OPRM1: variants seen among roughly 807,000 people sequenced by gnomAD.
The protein encoded by OPRM1 is opioid receptor mu 1, also known as mu-type opioid receptor.
OPRM1 carries 27 observed loss-of-function variants against 31.8 expected under a neutral mutation model. That is an observed-to-expected ratio of 0.85 (90% confidence interval 0.63 to 1.17). The LOEUF (loss-of-function observed/expected upper bound fraction) is 1.17, where lower values mean the gene tolerates loss of function less well. Among genes scored for constraint, OPRM1 ranks in the 50% most tolerant of loss-of-function variants. The probability of loss-of-function intolerance (pLI) is 0.00; values close to 1 mark genes in which losing one functional copy is unlikely to be tolerated. For synonymous variants in OPRM1, 196 were observed against 189.9 expected (o/e 1.03, Z -0.26); for missense variants, 536 against 511.1 (o/e 1.05, Z -0.47).
chr6:154,114,876 T>TA (rs1220080727), intron 3 of OPRM1, among the ~76,000 whole-genome samples: 3,716 of 138,464 alleles, frequency 0.027, 148 homozygotes, highest in African/African-American at 0.088. Flanking sequence ...GAATTCTAAT[T>TA]AAAAAAAAAA....
At chr6:154,207,708 T>C (rs1234182314) in intron 3 of OPRM1, among the ~76,000 whole-genome samples, 3 of 152,240 alleles carry the variant, frequency 2.0e-5, no homozygotes, top group African/African-American at 7.2e-5. Flanking sequence ...GGCCACAGTT[T>C]GCAGGATTTA....
chr6:154,109,792 CTGTGTGTG>C (rs377400514), intron 3 of OPRM1, among the ~76,000 whole-genome samples: 133 of 101,210 alleles, frequency 1.3e-3, no homozygotes, highest in Middle Eastern at 4.8e-3. Context: ...CTCTCTCTCT[CTGTGTGTG>C]TGTGTGTGTG....
chr6:154,246,688 T>C (rs776199517), intron 3 of OPRM1: 3 of 1,614,134 alleles, frequency 1.9e-6, no homozygotes, highest in East Asian at 4.5e-5. Flanking sequence ...CTTTTTCTTA[T>C]ACAGCCACCC....
At chr6:154,082,834 AAAAT>A (rs1229391001) in intron 1 of OPRM1, among the ~76,000 whole-genome samples, 3 of 152,204 alleles carry the variant, frequency 2.0e-5, no homozygotes, top group Non-Finnish European at 4.4e-5. Context: ...TTAGTCCAAA[AAAAT>A]AAATATTCTA....
At chr6:154,189,819 A>G (rs1245617931) in intron 3 of OPRM1, among the ~76,000 whole-genome samples, 1 of 151,882 alleles carries the variant, frequency 6.6e-6, no homozygotes, top group Non-Finnish European at 1.5e-5. Context: ...AAATACAAAA[A>G]TTATCTGGGC....
At chr6:154,134,278 G>A (rs182128766), downstream of OPRM1, among the ~76,000 whole-genome samples, 48 of 152,318 alleles carry the variant, frequency 3.2e-4, no homozygotes, top group East Asian at 7.3e-3. Flanking sequence ...AGGAGAAGTT[G>A]TTTCATGCCT....
In OPRM1 at chr6:154,121,437, G is replaced by C. The variant is rs1340955667; in HGVS notation, c.*2716G>C. Among the ~76,000 whole-genome samples the C allele has an allele frequency of 2.0e-5, 3 of 152,124 alleles. No individual in the cohort carries two copies. Among genetic ancestry groups the C allele is most frequent in the African/African-American group, 4.8e-5 (2 of 41,406 alleles). ...CCTATCCCAACAGGGCTGTCAGACGGAGAACTCCTAATGTGGCCATTTGAA... is the reference window on the plus strand; with the variant it reads ...CCTATCCCAACAGGGCTGTCAGACGCAGAACTCCTAATGTGGCCATTTGAA... On this transcript the variant is annotated 3_prime_UTR_variant, in exon 4 of 4. Transcript: ENST00000330432.
At chr6:154,230,377 A>G (rs1336315328) in intron 3 of OPRM1, among the ~76,000 whole-genome samples, 1 of 152,196 alleles carries the variant, frequency 6.6e-6, no homozygotes, top group Non-Finnish European at 1.5e-5. Context: ...TGAGCCTAAA[A>G]CTGCTCTAAA....
At chr6:154,107,571 A>T (rs1795778111) in intron 3 of OPRM1, 1 of 718,470 alleles carries the variant, frequency 1.4e-6, no homozygotes, top group African/African-American at 1.7e-5. Flanking sequence ...TAGAGCATTA[A>T]TTTTGAGTTT....
At chr6:154,025,558 C>A (rs755552985) in intron 1 of OPRM1, among the ~76,000 whole-genome samples, 3 of 151,818 alleles carry the variant, frequency 2.0e-5, no homozygotes, top group Non-Finnish European at 4.4e-5. Context: ...ATTATTCCTC[C>A]CATTTGGTTA....
intron 3 of OPRM1, among the ~76,000 whole-genome samples, chr6:154,109,235 C>T (rs1396409796): frequency 2.0e-5 from 3 of 152,160 alleles, no homozygotes; most frequent in Admixed American, 1.3e-4. Context: ...TCTTCATATG[C>T]TTAAAGCAAT....
intron 1 of OPRM1, among the ~76,000 whole-genome samples, chr6:154,065,211 AC>A (rs1785148247): frequency 6.9e-6 from 1 of 145,798 alleles, no homozygotes; most frequent in Non-Finnish European, 1.5e-5. Flanking sequence ...GTACAGTGGC[AC>A]GATCTCGGCT....
intron 3 of OPRM1, among the ~76,000 whole-genome samples, chr6:154,221,810 C>G (rs1211810971): frequency 6.6e-6 from 1 of 151,966 alleles, no homozygotes; most frequent in Non-Finnish European, 1.5e-5. Flanking sequence ...GGAGGCAGAG[C>G]TTGCAGTGAG....
intron 3 of OPRM1, among the ~76,000 whole-genome samples, chr6:154,150,892 A>G (rs1798482639): frequency 6.6e-6 from 1 of 152,206 alleles, no homozygotes; most frequent in South Asian, 2.1e-4. Flanking sequence ...ATTCTCCAAC[A>G]TTTTGCTTTA....
intron 3 of OPRM1, among the ~76,000 whole-genome samples, chr6:154,115,877 G>A (rs997550118): frequency 2.9e-4 from 44 of 152,358 alleles, no homozygotes; most frequent in African/African-American, 1.1e-3. Context: ...TATCTGGACT[G>A]AGTTTCTTTG....
At chr6:154,133,067 G>A (rs1336208070), downstream of OPRM1, among the ~76,000 whole-genome samples, 1 of 150,160 alleles carries the variant, frequency 6.7e-6, no homozygotes, top group Non-Finnish European at 1.5e-5. Flanking sequence ...CTTGCAGTGA[G>A]CCGAAATTGT....
At chr6:154,159,216 G>C (rs1354577837) in intron 3 of OPRM1, 3 of 153,006 alleles carry the variant, frequency 2.0e-5, no homozygotes, top group African/African-American at 7.2e-5. Context: ...CTTTGAATGA[G>C]TGGAATATGG....
intron 3 of OPRM1, among the ~76,000 whole-genome samples, chr6:154,191,722 CT>C (rs1801907417): frequency 3.3e-5 from 5 of 151,910 alleles, no homozygotes; most frequent in Admixed American, 6.6e-5. Context: ...AGAGTGAACC[CT>C]AATGTAAACC....
intron 1 of OPRM1, among the ~76,000 whole-genome samples, chr6:154,069,489 G>A (rs1057361156): frequency 1.3e-5 from 2 of 152,092 alleles, no homozygotes; most frequent in Non-Finnish European, 2.9e-5. Flanking sequence ...TGCCCACCTC[G>A]GCCTCCCAAA....
Sources: allele counts gnomAD v4.1 joint callset (sites outside exome capture counted in the v4.1 genomes callset), GRCh38; gene constraint gnomAD v4.1.1; transcripts MANE v1.5; gene names NCBI Gene and HGNC (gene_info 2026-07-23, HGNC 2026-07-21).